The following RAB3C variants were observed in gnomAD, a reference collection of about 807,000 sequenced individuals.
The protein encoded by RAB3C is RAB3C, member RAS oncogene family.
Under a neutral mutation model 26.4 loss-of-function variants are expected in RAB3C, and 17 were observed. That is an observed-to-expected ratio of 0.64 (90% CI 0.44 to 0.97). The LOEUF (loss-of-function observed/expected upper bound fraction) is 0.97, where lower values mean the gene tolerates loss of function less well. RAB3C is among the 50% of genes least tolerant of loss of function. RAB3C has a pLI of 0.00. For synonymous variants in RAB3C, 91 were observed against 95.9 expected (o/e 0.95, Z 0.30); for missense variants, 242 against 281.9 (o/e 0.86, Z 1.01).
chr5:58,739,887 T>C (rs1741240043), intron 3 of RAB3C, among the ~76,000 whole-genome samples: 1 of 152,258 alleles, frequency 6.6e-6, no homozygotes. Context: ...TTTTTGTACT[T>C]TTCCTTTCTA....
At chr5:58,656,588 T>C (rs886512038) in intron 2 of RAB3C, among the ~76,000 whole-genome samples, 3 of 152,220 alleles carry the variant, frequency 2.0e-5, no homozygotes, top group African/African-American at 7.2e-5. Context: ...TTTTAATATC[T>C]CGCCTCAAAT....
intron 2 of RAB3C, among the ~76,000 whole-genome samples, chr5:58,665,256 C>T (rs1747980346): frequency 6.6e-6 from 1 of 152,076 alleles, no homozygotes; most frequent in Non-Finnish European, 1.5e-5. Flanking sequence ...TCCTACCAGG[C>T]AGGTAAGTGG....
intron 3 of RAB3C, among the ~76,000 whole-genome samples, chr5:58,741,316 T>A (rs1373530121): frequency 6.6e-6 from 1 of 152,192 alleles, no homozygotes; most frequent in Non-Finnish European, 1.5e-5. Flanking sequence ...ATCGAATCCT[T>A]GCCCAAATGG....
At chr5:58,821,437 G>T (rs978744969) in intron 3 of RAB3C, among the ~76,000 whole-genome samples, 3 of 152,160 alleles carry the variant, frequency 2.0e-5, no homozygotes, top group Admixed American at 2.0e-4. Flanking sequence ...ATTAGCATTT[G>T]TTACTTAAAG....
chr5:58,601,808 T>C (rs1350954717), intron 1 of RAB3C, among the ~76,000 whole-genome samples: 3 of 152,118 alleles, frequency 2.0e-5, no homozygotes, highest in Non-Finnish European at 2.9e-5. Context: ...TTTTGTTTCA[T>C]TTATCTTTTG....
At chr5:58,778,111 T>G (rs113493883) in intron 3 of RAB3C, among the ~76,000 whole-genome samples, 103 of 152,248 alleles carry the variant, frequency 6.8e-4, no homozygotes, top group African/African-American at 2.4e-3. Flanking sequence ...GGAAAAAAAC[T>G]TAACCCATCA....
At chr5:58,828,322 A>G (rs1437763453) in intron 4 of RAB3C, among the ~76,000 whole-genome samples, 2 of 152,002 alleles carry the variant, frequency 1.3e-5, no homozygotes, top group Non-Finnish European at 2.9e-5. Flanking sequence ...TCCTTTGAGC[A>G]CCCCTCCTTA....
chr5:58,708,714 G>T (rs549978422), intron 2 of RAB3C, among the ~76,000 whole-genome samples: 18 of 152,304 alleles, frequency 1.2e-4, no homozygotes, highest in Admixed American at 9.8e-4. Flanking sequence ...TCCCTTTCAG[G>T]TTTCTCATGC....
chr5:58,634,741 T>C (rs1400093852), intron 2 of RAB3C, among the ~76,000 whole-genome samples: 1 of 151,798 alleles, frequency 6.6e-6, no homozygotes, highest in Non-Finnish European at 1.5e-5. Context: ...TTGAGAAAAA[T>C]AGAAAGTTGT....
At chr5:58,736,244 T>C (rs909601209) in intron 3 of RAB3C, among the ~76,000 whole-genome samples, 9 of 152,330 alleles carry the variant, frequency 5.9e-5, no homozygotes, top group African/African-American at 1.9e-4. Context: ...CTATCTGGTC[T>C]CCAGGTTTAG....
chr5:58,790,523 G>T (rs1041616779), intron 3 of RAB3C, among the ~76,000 whole-genome samples: 5 of 152,142 alleles, frequency 3.3e-5, no homozygotes, highest in Non-Finnish European at 7.3e-5. Flanking sequence ...AAACCCGCAA[G>T]GAATGCCAGG....
rs949896463 is a variant in RAB3C at position 58,693,119 on chromosome 5, A to G, written c.253-32883A>G. 3.4e-5 allele frequency among the ~76,000 whole-genome samples: 5 copies of G among 148,242 alleles called. No individual in the cohort carries two copies. In the East Asian group the frequency reaches 9.7e-4, roughly 29 times the overall value. ...TGAAACTCCGTCTCAAAATATGTATATAAATATAAAAATATATATAAATTA... is the reference window on the plus strand; with the variant it reads ...TGAAACTCCGTCTCAAAATATGTATGTAAATATAAAAATATATATAAATTA... On this transcript the variant is annotated intron_variant, in intron 2 of 4. Transcript: ENST00000282878.
chr5:58,765,240 C>G (rs1200711889), intron 3 of RAB3C, among the ~76,000 whole-genome samples: 1 of 152,118 alleles, frequency 6.6e-6, no homozygotes, highest in African/African-American at 2.4e-5. Context: ...TCCCATTGTG[C>G]CTTTGGTAGT....
At chr5:58,636,340 C>T (rs144897796) in intron 2 of RAB3C, among the ~76,000 whole-genome samples, 1 of 152,266 alleles carries the variant, frequency 6.6e-6, no homozygotes, top group East Asian at 1.9e-4. Flanking sequence ...AAACTACATT[C>T]CTGATGTGAA....
At chr5:58,614,402 A>G (rs1318949890) in intron 1 of RAB3C, among the ~76,000 whole-genome samples, 1 of 152,096 alleles carries the variant, frequency 6.6e-6, no homozygotes, top group African/African-American at 2.4e-5. Flanking sequence ...GTTATACAAA[A>G]ACACACATAC....
At chr5:58,721,175 TTAATGCCA>T (rs1740748264) in intron 2 of RAB3C, among the ~76,000 whole-genome samples, 3 of 150,960 alleles carry the variant, frequency 2.0e-5, no homozygotes, top group Middle Eastern at 3.4e-3. Context: ...AAACTTGCCA[TTAATGCCA>T]AAATTCCCCT....
intron 2 of RAB3C, among the ~76,000 whole-genome samples, chr5:58,646,362 T>G (rs1027388205): frequency 6.6e-6 from 1 of 152,206 alleles, no homozygotes; most frequent in South Asian, 2.1e-4. Flanking sequence ...TAAGCATTGA[T>G]AAAGGTTCAT....
At chr5:58,679,365 G>A (rs1402954647) in intron 2 of RAB3C, among the ~76,000 whole-genome samples, 1 of 152,102 alleles carries the variant, frequency 6.6e-6, no homozygotes, top group African/African-American at 2.4e-5. Flanking sequence ...AGGATGCTAG[G>A]CTTCTCTTAA....
chr5:58,840,091 T>A (rs1217461362), intron 4 of RAB3C, among the ~76,000 whole-genome samples: 3 of 151,998 alleles, frequency 2.0e-5, no homozygotes, highest in Non-Finnish European at 4.4e-5. Context: ...CTTTTCTGCT[T>A]CCCAAAACAC....
Sources: gnomAD v4.1 joint callset for allele counts (sites outside exome capture counted in the v4.1 genomes callset) on GRCh38, gnomAD v4.1.1 for gene constraint, MANE v1.5 for transcripts, NCBI Gene and HGNC (gene_info 2026-07-23, HGNC 2026-07-21) for gene names.